LIN54: variants seen among roughly 807,000 people sequenced by gnomAD.
The protein encoded by LIN54 is lin-54 DREAM MuvB core complex component, also known as protein lin-54 homolog.
A neutral mutation model predicts 78.7 loss-of-function variants in LIN54; 9 were observed. That is an observed-to-expected ratio of 0.11 (90% confidence interval 0.07 to 0.20). The LOEUF (loss-of-function observed/expected upper bound fraction) is 0.20. LIN54 is among the 10% of genes least tolerant of loss of function. The probability of loss-of-function intolerance (pLI) is 1.00; values close to 1 mark genes in which losing one functional copy is unlikely to be tolerated. For missense variants in LIN54, 573 were observed against 889.9 expected (o/e 0.64, Z 4.53); for synonymous variants, 269 against 318.4 (o/e 0.84, Z 1.65).
chr4:82,960,367 C>G (rs1724686754), intron 4 of LIN54, among the ~76,000 whole-genome samples: 1 of 150,484 alleles, frequency 6.6e-6, no homozygotes, highest in Non-Finnish European at 1.5e-5. Context: ...TGGTCTCGGC[C>G]TCTCACAATC....
At chr4:82,945,499 A>C (rs1171801242) in intron 5 of LIN54, among the ~76,000 whole-genome samples, 1 of 151,090 alleles carries the variant, frequency 6.6e-6, no homozygotes, top group Non-Finnish European at 1.5e-5. Flanking sequence ...CATTTTAATC[A>C]CTTTTTTTTT....
chr4:82,956,365 A>AGAG (rs1553950644), intron 4 of LIN54, among the ~76,000 whole-genome samples: 3 of 150,598 alleles, frequency 2.0e-5, no homozygotes, highest in African/African-American at 4.9e-5. Flanking sequence ...AAAAAAAAAA[A>AGAG]AGACTGTTTT....
chr4:82,993,778 G>A (rs1027952653), intron 1 of LIN54, among the ~76,000 whole-genome samples: 2 of 151,658 alleles, frequency 1.3e-5, no homozygotes, highest in Non-Finnish European at 2.9e-5. Context: ...CCACCATGCC[G>A]GCTACTTTTG....
chr4:82,940,041 C>T (rs1722726919), intron 5 of LIN54, 79 bp from the exon 6 acceptor site: 2 of 949,788 alleles, frequency 2.1e-6, no homozygotes, highest in African/African-American at 1.7e-5. Context: ...ACTTAGCTCT[C>T]CCAAGTTATT....
intron 1 of LIN54, among the ~76,000 whole-genome samples, chr4:82,998,991 C>A (rs1204348099): frequency 6.6e-6 from 1 of 151,962 alleles, no homozygotes; most frequent in Non-Finnish European, 1.5e-5. Flanking sequence ...AAATCAAAAC[C>A]ACAAAAAAGT....
chr4:83,007,160 A>C (rs1179925203), intron 1 of LIN54, among the ~76,000 whole-genome samples: 1 of 151,998 alleles, frequency 6.6e-6, no homozygotes, highest in Non-Finnish European at 1.5e-5. Context: ...TAAATACATA[A>C]AAATAAATAA....
intron 2 of LIN54, among the ~76,000 whole-genome samples, chr4:82,982,153 C>T (rs537660517): frequency 6.6e-6 from 1 of 152,218 alleles, no homozygotes; most frequent in Admixed American, 6.5e-5. Flanking sequence ...CAACACTGGT[C>T]ATTGAAATGT....
chr4:82,996,211 G>A (rs368867396), intron 1 of LIN54, among the ~76,000 whole-genome samples: 21 of 152,090 alleles, frequency 1.4e-4, no homozygotes, highest in Admixed American at 9.2e-4. Context: ...TTATCTCTTA[G>A]GAATGGAAGC....
chr4:82,968,883 T>G (rs1300838581), intron 4 of LIN54, among the ~76,000 whole-genome samples: 2 of 152,196 alleles, frequency 1.3e-5, no homozygotes, highest in African/African-American at 2.4e-5. Context: ...CTAGAATCAC[T>G]TAAAGAGCTT....
At chr4:82,968,914 T>G (rs1725431100) in intron 4 of LIN54, among the ~76,000 whole-genome samples, 1 of 152,136 alleles carries the variant, frequency 6.6e-6, no homozygotes, top group Non-Finnish European at 1.5e-5. Flanking sequence ...TGATACCAGG[T>G]CAAGTCTGGA....
intron 2 of LIN54, among the ~76,000 whole-genome samples, chr4:82,979,363 GAGTA>G (rs1726430468): frequency 6.6e-6 from 1 of 152,046 alleles, no homozygotes; most frequent in Non-Finnish European, 1.5e-5. Flanking sequence ...ATAATAAAAA[GAGTA>G]AGTAAAGAAA....
At chr4:82,967,119 G>A (rs1406171948) in intron 4 of LIN54, among the ~76,000 whole-genome samples, 2 of 151,584 alleles carry the variant, frequency 1.3e-5, no homozygotes, top group Non-Finnish European at 2.9e-5. Flanking sequence ...CCAGCTACTC[G>A]GGACGCTGAG....
At chr4:82,985,270 T>C (rs967890449) in intron 1 of LIN54, among the ~76,000 whole-genome samples, 1 of 152,222 alleles carries the variant, frequency 6.6e-6, no homozygotes, top group Admixed American at 6.5e-5. Context: ...AAACTGCTGA[T>C]TCACACAAGG....
At position 82,940,723 on chromosome 4, in the gene LIN54, A is replaced by G. The variant is rs149741578; in HGVS notation, c.1169-761T>C. ...GCCAGTGTAATTCAATATTTACAGA[A>G]TACATACTAAAAGGCAGCACAGCAA... On this transcript the variant is annotated intron_variant, in intron 5 of 12. Transcript: ENST00000340417. Among the ~76,000 whole-genome samples, 168 of 152,336 alleles carry G rather than the reference A, an allele frequency of 1.1e-3. 1 individual carries two copies. Among genetic ancestry groups the G allele is most frequent in the African/African-American group, 3.9e-3 (163 of 41,582 alleles).
intron 1 of LIN54, among the ~76,000 whole-genome samples, chr4:83,006,376 C>T (rs937226811): frequency 2.7e-5 from 4 of 147,126 alleles, no homozygotes; most frequent in Admixed American, 7.0e-5. Flanking sequence ...TTGGACCTGG[C>T]AGGCAGAAGT....
intron 1 of LIN54, among the ~76,000 whole-genome samples, chr4:82,985,507 A>G (rs921966747): frequency 7.9e-5 from 12 of 152,228 alleles, no homozygotes; most frequent in Non-Finnish European, 1.6e-4. Flanking sequence ...TGGAAAGAAG[A>G]TTCTCAAACC....
At position 82,927,240 on chromosome 4, in the gene LIN54, T is replaced by C. The variant is rs192468792; in HGVS notation, c.*862A>G. ...CTTTTGCAGCTTCCCTATTCTTTGT[T>C]TCTCCACCCATGCCAAATTTTATAC... is the stretch of plus-strand genomic sequence containing the variant. On this transcript the variant is annotated 3_prime_UTR_variant, in exon 13 of 13. Coordinates refer to ENST00000340417, the MANE Select transcript of LIN54 (RefSeq NM_194282.4). 4 of 152,368 alleles carry C rather than the reference T, an allele frequency of 2.6e-5. No individual in the cohort carries two copies. Among genetic ancestry groups the C allele is most frequent in the Admixed American group, 1.3e-4 (2 of 15,306 alleles). 9.4% of individuals were successfully genotyped at this position (152,368 alleles called of 1,614,324 possible).
intron 5 of LIN54, among the ~76,000 whole-genome samples, chr4:82,944,424 C>G (rs1723187894): frequency 6.6e-6 from 1 of 152,046 alleles, no homozygotes; most frequent in Non-Finnish European, 1.5e-5. Flanking sequence ...TCTCTCAGTA[C>G]CCTGCTAAGT....
At chr4:82,975,375 T>G (rs897985507) in intron 3 of LIN54, among the ~76,000 whole-genome samples, 2 of 151,080 alleles carry the variant, frequency 1.3e-5, no homozygotes, top group Non-Finnish European at 2.9e-5. Flanking sequence ...TTGTGTTATG[T>G]ATATCTTACC....
Sources: gnomAD v4.1 joint callset for allele counts (sites outside exome capture counted in the v4.1 genomes callset) on GRCh38, gnomAD v4.1.1 for gene constraint, MANE v1.5 for transcripts, NCBI Gene and HGNC (gene_info 2026-07-23, HGNC 2026-07-21) for gene names.